The following CSMD1 variants were observed in gnomAD, a reference collection of about 807,000 sequenced individuals.
CSMD1 encodes CUB and Sushi multiple domains 1.
CSMD1 carries 213 observed loss-of-function variants against 417.5 expected under a neutral mutation model. The observed-to-expected ratio is 0.51, with a 90% CI of 0.46 to 0.57. The LOEUF (loss-of-function observed/expected upper bound fraction) is 0.57, where lower values mean the gene tolerates loss of function less well. Among genes scored for constraint, CSMD1 ranks in the 20% least tolerant of loss-of-function variants. The pLI, the probability that CSMD1 is intolerant of heterozygous loss-of-function variation, is 0.00. For missense variants in CSMD1, 6,923 were observed against 4,529.7 expected, an observed-to-expected ratio of 1.53 and a Z score of -15.17; for synonymous variants, 2,862 against 1,736.8, an observed-to-expected ratio of 1.65 and a Z score of -16.11.
intron 1 of CSMD1, among the ~76,000 whole-genome samples, chr8:4,854,541 G>C (rs1007829451): frequency 1.3e-5 from 2 of 152,180 alleles, no homozygotes; most frequent in Admixed American, 1.3e-4. Context: ...AGTGGGTGCA[G>C]GTCAGTGGGT....
At chr8:3,834,208 C>A (rs184296715) in intron 5 of CSMD1, among the ~76,000 whole-genome samples, 171 of 151,004 alleles carry the variant, frequency 1.1e-3, no homozygotes, top group African/African-American at 3.9e-3. Context: ...AATTTTTTTT[C>A]TTTTATTTTG....
rs746352867 is a variant in CSMD1 at position 3,753,923 on chromosome 8, T to A, written c.931+7A>T. ...TTTTTTTTTCTTATAAGATGGAGCA[T>A]CCTTACCTTGGAACTGAGCGTTAAA... is the stretch of plus-strand genomic sequence containing the variant. On this transcript the variant is annotated splice_region_variant and intron_variant, in intron 6 of 69. Coordinates refer to ENST00000635120, the MANE Select transcript of CSMD1 (RefSeq NM_033225.6). The A allele has an allele frequency of 3.2e-6, 5 of 1,579,344 alleles. No homozygotes were observed. In the Admixed American group the frequency reaches 8.4e-5, roughly 26 times the overall value.
intron 5 of CSMD1, among the ~76,000 whole-genome samples, chr8:3,982,589 A>G (rs552829723): frequency 6.6e-6 from 1 of 151,466 alleles, no homozygotes; most frequent in Non-Finnish European, 1.5e-5. Context: ...TTAGAATTTC[A>G]CTACTATTAT....
In CSMD1 at chr8:4,443,667, C is replaced by G. The variant is rs563789083; in HGVS notation, c.303-23602G>C. Among the ~76,000 whole-genome samples the G allele has an allele frequency of 2.0e-5, 3 of 152,322 alleles. No individual in the cohort carries two copies. The South Asian group carries it at 6.2e-4, about 32-fold the overall frequency. The stretch of plus-strand genomic sequence containing the variant: ...CGTTGACGTGCAGTTAAAGAAATAG[C>G]ATTTATACCATTCAATCCTGCAATT... On this transcript the variant is annotated intron_variant, in intron 2 of 69. Coordinates refer to ENST00000635120, the MANE Select transcript of CSMD1 (RefSeq NM_033225.6).
At chr8:4,313,886 C>T (rs570432384) in intron 3 of CSMD1, among the ~76,000 whole-genome samples, 7 of 152,008 alleles carry the variant, frequency 4.6e-5, no homozygotes, top group Non-Finnish European at 7.4e-5. Flanking sequence ...TGGTGGTGCA[C>T]ACCTGTAATC....
intron 7 of CSMD1, among the ~76,000 whole-genome samples, chr8:3,688,575 G>A (rs1800066452): frequency 6.6e-6 from 1 of 152,112 alleles, no homozygotes; most frequent in Admixed American, 6.5e-5. Context: ...TGTTAGCAAT[G>A]CTCATAATTA....
At chr8:3,894,057 C>A (rs916995267) in intron 5 of CSMD1, among the ~76,000 whole-genome samples, 47 of 152,244 alleles carry the variant, frequency 3.1e-4, no homozygotes, top group Non-Finnish European at 2.5e-4. Context: ...ATTGCTGCCA[C>A]ATCCTCACAA....
chr8:4,233,079 G>C (rs1229067321), intron 3 of CSMD1, among the ~76,000 whole-genome samples: 1 of 152,162 alleles, frequency 6.6e-6, no homozygotes, highest in African/African-American at 2.4e-5. Flanking sequence ...TCATTGTTCT[G>C]TGCACTGGCA....
At chr8:4,051,889 T>TCCTTTCC (rs1798449125) in intron 3 of CSMD1, among the ~76,000 whole-genome samples, 2 of 23,780 alleles carry the variant, frequency 8.4e-5, no homozygotes, top group African/African-American at 2.7e-4. Context: ...TCTTCCTTCC[T>TCCTTTCC]TCCTTCCTTC....
At chr8:4,529,511 T>C in intron 2 of CSMD1, among the ~76,000 whole-genome samples, 1 of 152,292 alleles carries the variant, frequency 6.6e-6, no homozygotes, top group East Asian at 1.9e-4. Flanking sequence ...TATGAATAAA[T>C]TTCTAAAAAT....
chr8:3,693,923 T>C (rs972542136), intron 7 of CSMD1, among the ~76,000 whole-genome samples: 7 of 150,902 alleles, frequency 4.6e-5, no homozygotes, highest in Non-Finnish European at 8.9e-5. Flanking sequence ...GTGTGTGTGT[T>C]TGTTATGGTG....
At chr8:2,964,742 G>A (rs1341275869) in intron 59 of CSMD1, among the ~76,000 whole-genome samples, 1 of 152,150 alleles carries the variant, frequency 6.6e-6, no homozygotes, top group Non-Finnish European at 1.5e-5. Flanking sequence ...ATACAAAGAA[G>A]GGAAGGCAAT....
chr8:3,447,722 G>C (rs1371153878), intron 12 of CSMD1, among the ~76,000 whole-genome samples: 3 of 152,208 alleles, frequency 2.0e-5, no homozygotes, highest in African/African-American at 4.8e-5. Flanking sequence ...CCCTGTTGCA[G>C]GGATGGACAG....
chr8:3,386,190 A>G (rs1177606290), intron 18 of CSMD1, among the ~76,000 whole-genome samples: 1 of 152,218 alleles, frequency 6.6e-6, no homozygotes, highest in African/African-American at 2.4e-5. Context: ...CATCTGCACA[A>G]AAAAGGAACC....
chr8:4,319,542 C>T (rs547937991), intron 3 of CSMD1, among the ~76,000 whole-genome samples: 2 of 152,090 alleles, frequency 1.3e-5, no homozygotes, highest in Non-Finnish European at 2.9e-5. Context: ...AACAAAGTCA[C>T]AGAAATAAAG....
chr8:4,711,936 G>T (rs954822295), intron 1 of CSMD1, among the ~76,000 whole-genome samples: 2 of 152,160 alleles, frequency 1.3e-5, no homozygotes, highest in African/African-American at 2.4e-5. Flanking sequence ...GAGCTGGCTG[G>T]CTACTGTGCA....
At chr8:4,721,803 C>G (rs1311372514) in intron 1 of CSMD1, among the ~76,000 whole-genome samples, 2 of 152,108 alleles carry the variant, frequency 1.3e-5, no homozygotes, top group Non-Finnish European at 2.9e-5. Flanking sequence ...ATGTAAAGAA[C>G]CTAGGCATCC....
intron 2 of CSMD1, among the ~76,000 whole-genome samples, chr8:4,500,418 A>T (rs1456141034): frequency 6.6e-6 from 1 of 152,228 alleles, no homozygotes; most frequent in Non-Finnish European, 1.5e-5. Context: ...CTATTACTGT[A>T]GACAAAAACT....
At chr8:4,130,436 G>C (rs574462525) in intron 3 of CSMD1, among the ~76,000 whole-genome samples, 4 of 152,042 alleles carry the variant, frequency 2.6e-5, no homozygotes, top group Non-Finnish European at 5.9e-5. Context: ...CCTCAGTTTA[G>C]TGCAAAAATT....
Sources: gnomAD v4.1 joint callset for allele counts (sites outside exome capture counted in the v4.1 genomes callset) on GRCh38, gnomAD v4.1.1 for gene constraint, MANE v1.5 for transcripts, NCBI Gene and HGNC (gene_info 2026-07-23, HGNC 2026-07-21) for gene names.